The following GREM2 variants were observed in gnomAD, a reference collection of about 807,000 sequenced individuals.
GREM2 encodes the protein gremlin 2, DAN family BMP antagonist, also known as gremlin-2.
In GREM2, 11 loss-of-function variants were observed where a neutral mutation model predicts 14.2. That is an observed-to-expected ratio of 0.78 (90% confidence interval 0.49 to 1.28). The LOEUF (loss-of-function observed/expected upper bound fraction) is 1.28, where lower values mean the gene tolerates loss of function less well. GREM2 is among the 50% of genes most tolerant of loss of function. The probability of loss-of-function intolerance (pLI) is 0.00; values close to 1 mark genes in which losing one functional copy is unlikely to be tolerated. For synonymous variants in GREM2, 98 were observed against 97.6 expected, an observed-to-expected ratio of 1.00 and a Z score of -0.02; for missense variants, 210 against 218.5, an observed-to-expected ratio of 0.96 and a Z score of 0.24.
At chr1:240,532,166 C>G (rs1020724761) in intron 1 of GREM2, among the ~76,000 whole-genome samples, 70 of 152,130 alleles carry the variant, frequency 4.6e-4, no homozygotes, top group African/African-American at 1.5e-3. Flanking sequence ...TCACTGCAAC[C>G]TCCGCCTCCC....
rs189465425 is a variant in GREM2, at chr1:240,597,705, C to T, written c.-2+14179G>A. ...AAATGTTTGTTGAATACACACAAAT[C>T]AGAACTCTGATGAAATAGGACTAAA... is the stretch of plus-strand genomic sequence containing the variant. On this transcript the variant is annotated intron_variant, in intron 1 of 1. Transcript: ENST00000318160. Among the ~76,000 whole-genome samples the T allele has an allele frequency of 3.9e-5, 6 of 152,266 alleles. No individual in the cohort carries two copies. The East Asian group carries it at 9.6e-4, about 24-fold the overall frequency.
intron 1 of GREM2, among the ~76,000 whole-genome samples, chr1:240,508,862 G>T (rs1224642918): frequency 2.0e-5 from 3 of 152,124 alleles, no homozygotes; most frequent in Non-Finnish European, 4.4e-5. Context: ...CCTGAGAATT[G>T]ATATTTTTAA....
intron 1 of GREM2, among the ~76,000 whole-genome samples, chr1:240,573,235 G>A (rs896799377): frequency 1.3e-5 from 2 of 152,102 alleles, no homozygotes; most frequent in African/African-American, 2.4e-5. Context: ...GGCCAAAGAG[G>A]GAGGATCACT....
chr1:240,609,764 A>G (rs918970746), intron 1 of GREM2, among the ~76,000 whole-genome samples: 1 of 152,180 alleles, frequency 6.6e-6, no homozygotes, highest in African/African-American at 2.4e-5. Context: ...CCCTTGACCC[A>G]GACAGGCCAA....
intron 1 of GREM2, among the ~76,000 whole-genome samples, chr1:240,545,495 CAAATTGTACAAATTGTACA>C (rs529427199): frequency 3.7e-4 from 56 of 151,624 alleles, no homozygotes; most frequent in Admixed American, 5.9e-4. Flanking sequence ...TAAAATTGTA[CAAATTGTACAAATTGTACA>C]AAATTGTAAC....
At chr1:240,595,318 G>A (rs1679799619) in intron 1 of GREM2, among the ~76,000 whole-genome samples, 2 of 152,150 alleles carry the variant, frequency 1.3e-5, no homozygotes, top group Non-Finnish European at 2.9e-5. Flanking sequence ...GCCACAGAGT[G>A]AGACTCAGTC....
intron 1 of GREM2, among the ~76,000 whole-genome samples, chr1:240,514,087 A>G (rs12044112): frequency 6.6e-6 from 1 of 151,624 alleles, no homozygotes; most frequent in Non-Finnish European, 1.5e-5. Flanking sequence ...CTCTACAAAA[A>G]AATACAAAAA....
chr1:240,522,114 T>C (rs919061905), intron 1 of GREM2, among the ~76,000 whole-genome samples: 33 of 135,828 alleles, frequency 2.4e-4, no homozygotes, highest in African/African-American at 9.7e-4. Context: ...AGCAAAACCC[T>C]GTCTCCAAAA....
At chr1:240,578,245 C>T (rs926727720) in intron 1 of GREM2, among the ~76,000 whole-genome samples, 1 of 152,032 alleles carries the variant, frequency 6.6e-6, no homozygotes, top group Non-Finnish European at 1.5e-5. Flanking sequence ...CCTGCCTCAG[C>T]CTTCCGAGTA....
At chr1:240,522,642 T>A (rs1052777959) in intron 1 of GREM2, among the ~76,000 whole-genome samples, 3 of 152,220 alleles carry the variant, frequency 2.0e-5, no homozygotes, top group Non-Finnish European at 4.4e-5. Flanking sequence ...CTTACACATT[T>A]GTTAACTTTT....
intron 1 of GREM2, among the ~76,000 whole-genome samples, chr1:240,577,667 C>G (rs1679399086): frequency 6.6e-6 from 1 of 152,158 alleles, no homozygotes; most frequent in South Asian, 2.1e-4. Context: ...GGATGTTAGT[C>G]TTAGTGTCAA....
chr1:240,536,618 A>AGCTACGTGCATGG (rs1558153567), intron 1 of GREM2, among the ~76,000 whole-genome samples: 2 of 150,966 alleles, frequency 1.3e-5, no homozygotes, highest in East Asian at 1.9e-4. Context: ...AGCCATCTGT[A>AGCTACGTGCATGG]GAGTTTAAGA....
At chr1:240,496,134 A>G in intron 1 of GREM2, among the ~76,000 whole-genome samples, 1 of 152,012 alleles carries the variant, frequency 6.6e-6, no homozygotes, top group Non-Finnish European at 1.5e-5. Context: ...ACAGGGTTTC[A>G]CTATGTTGGC....
At position 240,542,443 on chromosome 1, in the gene GREM2, T is replaced by TAAA. The variant is rs34602345; in HGVS notation, c.-1-48970_-1-48968dup. Among the ~76,000 whole-genome samples, 1 of 113,334 alleles carries TAAA rather than the reference T, an allele frequency of 8.8e-6. No homozygotes were observed. 74.4% of individuals were successfully genotyped at this position (113,334 alleles called of 152,430 possible). A position where few individuals can be genotyped will look rare whatever the true frequency, so the allele number is the denominator to read the frequency against. On this transcript the variant is annotated intron_variant, in intron 1 of 1. Coordinates refer to ENST00000318160, the MANE Select transcript of GREM2 (RefSeq NM_022469.4). The surrounding 1 kb of genome is among the most constrained non-coding windows in gnomAD (Gnocchi z 4.1). ...AACATGGCGAAACCCCCATCTCTAC[T>TAAA]AAAAAAAAAAAAAAAAAAAAAATTA...
intron 1 of GREM2, among the ~76,000 whole-genome samples, chr1:240,541,741 T>C (rs1490219075): frequency 6.6e-6 from 1 of 152,148 alleles, no homozygotes; most frequent in South Asian, 2.1e-4. Context: ...TGGTTATAAA[T>C]TGAAGAACTG....
intron 1 of GREM2, among the ~76,000 whole-genome samples, chr1:240,500,437 T>C (rs1677544911): frequency 6.6e-6 from 1 of 152,078 alleles, no homozygotes; most frequent in Admixed American, 6.5e-5. Flanking sequence ...TAACTGGGAC[T>C]ACAGGCACCC....
chr1:240,596,105 C>G (rs1243608603), intron 1 of GREM2, among the ~76,000 whole-genome samples: 1 of 152,086 alleles, frequency 6.6e-6, no homozygotes, highest in African/African-American at 2.4e-5. Flanking sequence ...ATTGTGTAGG[C>G]TGAATGATCG....
At chr1:240,497,453 C>T (rs936167358) in intron 1 of GREM2, among the ~76,000 whole-genome samples, 8 of 151,520 alleles carry the variant, frequency 5.3e-5, no homozygotes, top group South Asian at 4.2e-4. Context: ...ATAGTGAGGG[C>T]GAAAGGGAAA....
chr1:240,497,688 A>C (rs12133916), intron 1 of GREM2, among the ~76,000 whole-genome samples: 66,684 of 148,882 alleles, frequency 0.45, 15,186 homozygotes, highest in East Asian at 0.49. Context: ...GTCCAGCACA[A>C]TTATTAAAAT....
Sources: gnomAD v4.1 joint callset for allele counts (sites outside exome capture counted in the v4.1 genomes callset) on GRCh38, gnomAD v4.1.1 for gene constraint, Gnocchi (gnomAD v3.1) non-coding constraint, MANE v1.5 for transcripts, NCBI Gene and HGNC (gene_info 2026-07-23, HGNC 2026-07-21) for gene names.